CSMD3: variants seen among roughly 807,000 people sequenced by gnomAD.
The protein encoded by CSMD3 is CUB and sushi domain-containing protein 3.
CSMD3 carries 177 observed loss-of-function variants against 435.2 expected under a neutral mutation model. The ratio of observed to expected loss-of-function variants is 0.41; its 90% confidence interval spans 0.36 to 0.46. The LOEUF (loss-of-function observed/expected upper bound fraction) is 0.46. Among genes scored for constraint, CSMD3 ranks in the 20% least tolerant of loss-of-function variants. The pLI is 0.34. For missense variants in CSMD3, 4,265 were observed against 4,504.6 expected (o/e 0.95, Z 1.52); for synonymous variants, 1,656 against 1,520.5 (o/e 1.09, Z -2.07).
intron 10 of CSMD3, among the ~76,000 whole-genome samples, chr8:112,861,366 T>A (rs139124748): frequency 1.3e-5 from 2 of 152,052 alleles, no homozygotes; most frequent in Admixed American, 1.3e-4. Flanking sequence ...TATAAAATTA[T>A]TCCTGTGAGG....
chr8:112,753,316 T>C (rs2077617697), intron 13 of CSMD3, among the ~76,000 whole-genome samples: 1 of 152,226 alleles, frequency 6.6e-6, no homozygotes, highest in African/African-American at 2.4e-5. Context: ...GTTCAATTTT[T>C]ATTTTGTATA....
chr8:112,493,934 A>G (rs977510001), intron 30 of CSMD3, among the ~76,000 whole-genome samples: 4 of 152,152 alleles, frequency 2.6e-5, no homozygotes, highest in Non-Finnish European at 5.9e-5. Flanking sequence ...TTTTGTGCTA[A>G]TAAGAAATCA....
intron 47 of CSMD3, among the ~76,000 whole-genome samples, chr8:112,318,017 C>A (rs1321068004): frequency 6.6e-6 from 1 of 152,040 alleles, no homozygotes; most frequent in Non-Finnish European, 1.5e-5. Flanking sequence ...CACAAATGAA[C>A]AATAAATGTT....
At chr8:112,944,901 T>C (rs939026627) in intron 9 of CSMD3, among the ~76,000 whole-genome samples, 2 of 151,682 alleles carry the variant, frequency 1.3e-5, no homozygotes, top group African/African-American at 4.8e-5. Context: ...TGATGTTATC[T>C]ACACATAATT....
At chr8:113,374,818 T>TAAAAAAGAAA (rs2094368926) in intron 1 of CSMD3, among the ~76,000 whole-genome samples, 1 of 28,112 alleles carries the variant, frequency 3.6e-5, no homozygotes, top group African/African-American at 1.2e-4. Flanking sequence ...TGTTAAAAAG[T>TAAAAAAGAAA]AAAAAAAAAA....
intron 19 of CSMD3, among the ~76,000 whole-genome samples, chr8:112,648,841 C>T (rs6469430): frequency 0.33 from 50,396 of 151,934 alleles, 8,682 homozygotes; most frequent in African/African-American, 0.42. Flanking sequence ...TTTTAAACCA[C>T]CATGGTCTGT....
intron 22 of CSMD3, among the ~76,000 whole-genome samples, chr8:112,605,100 G>C (rs944317132): frequency 6.6e-6 from 1 of 152,114 alleles, no homozygotes; most frequent in Non-Finnish European, 1.5e-5. Context: ...ACACCAGCCA[G>C]AATAGCTATT....
At chr8:112,289,860 A>G (rs1277208001) in intron 56 of CSMD3, among the ~76,000 whole-genome samples, 1 of 152,078 alleles carries the variant, frequency 6.6e-6, no homozygotes, top group Admixed American at 6.6e-5. Context: ...ATATATGTGT[A>G]TGAGTTCGAA....
At chr8:113,415,935 G>A (rs2094580045) in intron 1 of CSMD3, among the ~76,000 whole-genome samples, 2 of 151,948 alleles carry the variant, frequency 1.3e-5, no homozygotes, top group African/African-American at 4.8e-5. Context: ...TACATTAACT[G>A]CTATATGCTA....
chr8:112,320,210 A>G (rs1043371324), intron 45 of CSMD3, among the ~76,000 whole-genome samples: 4 of 152,030 alleles, frequency 2.6e-5, no homozygotes, highest in Non-Finnish European at 4.4e-5. Flanking sequence ...CCCTTATTCT[A>G]GTCCTTCTTG....
At chr8:113,249,171 C>T (rs1249724157) in intron 3 of CSMD3, among the ~76,000 whole-genome samples, 1 of 152,058 alleles carries the variant, frequency 6.6e-6, no homozygotes, top group Admixed American at 6.6e-5. Context: ...GACTTTACTC[C>T]TCATTCACCT....
intron 13 of CSMD3, among the ~76,000 whole-genome samples, chr8:112,692,169 T>C (rs1325197949): frequency 6.6e-6 from 1 of 152,106 alleles, no homozygotes; most frequent in Admixed American, 6.6e-5. Context: ...CATCTTCAGT[T>C]TTCTTTTGGA....
intron 13 of CSMD3, among the ~76,000 whole-genome samples, chr8:112,793,194 A>C (rs1313513086): frequency 6.8e-6 from 1 of 147,304 alleles, no homozygotes; most frequent in Admixed American, 6.8e-5. Context: ...TATACTATAT[A>C]AATATTATAT....
intron 13 of CSMD3, among the ~76,000 whole-genome samples, chr8:112,701,829 T>C (rs1563871665): frequency 1.3e-5 from 2 of 152,176 alleles, no homozygotes; most frequent in Non-Finnish European, 2.9e-5. Context: ...CTCTGTGCCC[T>C]GAGGCATGAC....
intron 35 of CSMD3, among the ~76,000 whole-genome samples, chr8:112,403,711 A>T (rs1831524460): frequency 6.6e-6 from 1 of 151,924 alleles, no homozygotes; most frequent in Non-Finnish European, 1.5e-5. Flanking sequence ...CCCACTTCTT[A>T]ATACCCCCAC....
Position 112,380,427 on chromosome 8 carries a change from T to A in CSMD3, c.6061A>T (p.Thr2021Ser). The A allele has an allele frequency of 6.3e-7, 1 of 1,596,288 alleles. No individual in the cohort carries two copies. The highest frequency in any genetic ancestry group is 8.6e-7 in the Non-Finnish European group (1 of 1,164,166). ...GTTIPHLLNS[T>S]SNNLYLNFQS... ...AAATTTAGATACAGATTATTAGACG[T>A]ACTATTCAAAAGATGGGGTATTGTT... Residue 2021 changes from threonine to serine, a missense_variant, in exon 38 of 71, where the codon ACG becomes TCG. Around this residue, in one of 3 missense-constraint regions of CSMD3, gnomAD observed 3,255 missense variants for 3,380.2 expected, o/e 0.96. Transcript: ENST00000297405.
intron 1 of CSMD3, among the ~76,000 whole-genome samples, chr8:113,339,795 G>A (rs1039970996): frequency 6.6e-6 from 1 of 151,812 alleles, no homozygotes; most frequent in Non-Finnish European, 1.5e-5. Context: ...AAGTTATTAG[G>A]TGAATAGAAT....
At chr8:112,361,604 T>C (rs1196666140) in intron 38 of CSMD3, among the ~76,000 whole-genome samples, 2 of 133,284 alleles carry the variant, frequency 1.5e-5, no homozygotes, top group Middle Eastern at 4.1e-3. Context: ...TATATATATA[T>C]ATATATATAT....
intron 5 of CSMD3, among the ~76,000 whole-genome samples, chr8:113,088,979 T>G (rs2089908627): frequency 1.3e-5 from 2 of 152,162 alleles, no homozygotes; most frequent in South Asian, 4.1e-4. Flanking sequence ...AAACACATAT[T>G]TTTCTTCAAA....
Sources: allele counts gnomAD v4.1 joint callset (sites outside exome capture counted in the v4.1 genomes callset), GRCh38; gene constraint gnomAD v4.1.1; regional missense constraint gnomAD v4.1.1; transcripts MANE v1.5; gene names NCBI Gene and HGNC (gene_info 2026-07-23, HGNC 2026-07-21).